The following NDST4 variants were observed in gnomAD, a reference collection of about 807,000 sequenced individuals.
NDST4 encodes N-deacetylase and N-sulfotransferase 4, also known as N-heparan sulfate sulfotransferase 4.
Under a neutral mutation model 100.8 loss-of-function variants are expected in NDST4, and 63 were observed. The observed-to-expected ratio is 0.62, with a 90% CI of 0.51 to 0.77. NDST4 has a LOEUF of 0.77. Ranked by LOEUF, NDST4 falls within the 30% of genes least tolerant of loss-of-function variation. The pLI, the probability that NDST4 is intolerant of heterozygous loss-of-function variation, is 0.00. For missense variants in NDST4, 943 were observed against 1,018.4 expected (o/e 0.93, Z 1.01); for synonymous variants, 377 against 361.8 (o/e 1.04, Z -0.48).
At chr4:114,980,453 C>T (rs994218963) in intron 2 of NDST4, among the ~76,000 whole-genome samples, 2 of 151,884 alleles carry the variant, frequency 1.3e-5, no homozygotes, top group Non-Finnish European at 2.9e-5. Flanking sequence ...ACCAGCCTGG[C>T]CCACATGGTG....
chr4:114,929,070 GTCCGTCCATCCA>G (rs1311243606), intron 6 of NDST4, among the ~76,000 whole-genome samples: 103 of 92,794 alleles, frequency 1.1e-3, no homozygotes, highest in African/African-American at 2.6e-3. Context: ...CCGTCCGTCC[GTCCGTCCATCCA>G]TCCATCCATC....
chr4:114,916,561 T>C (rs979730286), intron 6 of NDST4, among the ~76,000 whole-genome samples: 5 of 150,686 alleles, frequency 3.3e-5, no homozygotes, highest in African/African-American at 1.2e-4. Flanking sequence ...TGTGTGTGTG[T>C]GTGTGTGTGT....
intron 4 of NDST4, among the ~76,000 whole-genome samples, chr4:114,940,529 G>C (rs1373225520): frequency 6.6e-6 from 1 of 152,198 alleles, no homozygotes; most frequent in African/African-American, 2.4e-5. Context: ...ACAGGACGGG[G>C]AGCATGTAGG....
Position 114,887,941 on chromosome 4 carries a change from A to T in NDST4, c.1537-16991T>A, listed in dbSNP as rs577429267. Among the ~76,000 whole-genome samples, 3 of 152,262 alleles carry T rather than the reference A, an allele frequency of 2.0e-5. No individual in the cohort carries two copies. In the South Asian group the frequency reaches 6.2e-4, roughly 32 times the overall value. On this transcript the variant is annotated intron_variant, in intron 6 of 13. Transcript: ENST00000264363. ...TCCTAATAGGCCTTATAATTTTTGC[A>T]TTTAAATATTGATACCTTTGAGATG... is the stretch of plus-strand genomic sequence containing the variant.
chr4:115,006,882 A>G (rs1014860668), intron 2 of NDST4, among the ~76,000 whole-genome samples: 2 of 152,150 alleles, frequency 1.3e-5, no homozygotes, highest in African/African-American at 4.8e-5. Context: ...AGCCAGCAAG[A>G]AGACTACTAA....
At chr4:115,026,166 T>C (rs1727979875) in intron 2 of NDST4, among the ~76,000 whole-genome samples, 1 of 152,128 alleles carries the variant, frequency 6.6e-6, no homozygotes, top group African/African-American at 2.4e-5. Flanking sequence ...GTTAATTTTC[T>C]ATAGTATAAG....
intron 6 of NDST4, among the ~76,000 whole-genome samples, chr4:114,916,592 ATG>A (rs377039294): frequency 3.9e-4 from 33 of 85,600 alleles, no homozygotes; most frequent in Non-Finnish European, 5.3e-4. Context: ...GTTTGTGTGT[ATG>A]TGTGTGTGTG....
At chr4:115,057,633 T>C (rs1425145782) in intron 2 of NDST4, among the ~76,000 whole-genome samples, 3 of 151,934 alleles carry the variant, frequency 2.0e-5, no homozygotes, top group Non-Finnish European at 4.4e-5. Context: ...CTCGAATGAG[T>C]GATTTTATAC....
intron 6 of NDST4, among the ~76,000 whole-genome samples, chr4:114,926,559 A>G (rs1365612850): frequency 6.6e-6 from 1 of 152,100 alleles, no homozygotes; most frequent in South Asian, 2.1e-4. Flanking sequence ...AAATTAAAAA[A>G]AAAACTGTTG....
intron 11 of NDST4, among the ~76,000 whole-genome samples, chr4:114,834,176 C>T (rs1429274165): frequency 6.6e-6 from 1 of 152,096 alleles, no homozygotes; most frequent in Non-Finnish European, 1.5e-5. Context: ...CCATGCCTTA[C>T]TGATCATTGG....
chr4:114,855,129 T>C (rs944636147), intron 7 of NDST4, among the ~76,000 whole-genome samples: 3 of 152,142 alleles, frequency 2.0e-5, no homozygotes, highest in South Asian at 2.1e-4. Context: ...AATCAGATTA[T>C]TAGTTTTTTT....
intron 6 of NDST4, among the ~76,000 whole-genome samples, chr4:114,898,193 A>C (rs559827309): frequency 6.6e-6 from 1 of 152,256 alleles, no homozygotes; most frequent in African/African-American, 2.4e-5. Flanking sequence ...TTAGGTCTTA[A>C]ATTTAGGTAG....
intron 4 of NDST4, among the ~76,000 whole-genome samples, chr4:114,947,914 C>A (rs1401967619): frequency 6.6e-6 from 1 of 151,940 alleles, no homozygotes; most frequent in Non-Finnish European, 1.5e-5. Context: ...GCCGGGGATG[C>A]CTGTGTATGT....
chr4:115,046,501 T>C (rs1266686747), intron 2 of NDST4, among the ~76,000 whole-genome samples: 1 of 152,082 alleles, frequency 6.6e-6, no homozygotes, highest in Admixed American at 6.6e-5. Flanking sequence ...TGAGAAACTG[T>C]TTGGAGTACA....
At position 115,076,644 on chromosome 4, in the gene NDST4, A is replaced by G. The variant is rs1375201080; in HGVS notation, c.393T>C (p.Val131=). ...TDNGKGKYTL[V]IYENILKYVS... is the part of the protein sequence containing the mutation. ...CATACTTCAGAATATTTTCATAAAT[A>G]ACTAAAGTATATTTCCCTTTGCCAT... Residue 131 remains valine, a synonymous_variant, in exon 2 of 14, where the codon GTT becomes GTC. Transcript: ENST00000264363. The G allele has an allele frequency of 6.2e-6, 10 of 1,613,870 alleles. No homozygotes were observed. The highest frequency in any genetic ancestry group is 8.5e-6 in the Non-Finnish European group (10 of 1,179,872).
intron 6 of NDST4, among the ~76,000 whole-genome samples, chr4:114,880,515 T>C (rs1724344634): frequency 6.6e-6 from 1 of 152,116 alleles, no homozygotes; most frequent in South Asian, 2.1e-4. Context: ...AGAAAACATG[T>C]CCATTAGTAA....
chr4:115,075,762 C>T (rs546012247), intron 2 of NDST4, among the ~76,000 whole-genome samples: 20 of 118,218 alleles, frequency 1.7e-4, no homozygotes, highest in Admixed American at 1.2e-4. Flanking sequence ...CCAGCCTGGG[C>T]GACAGAGCAA....
At chr4:115,019,663 T>C (rs1002168362) in intron 2 of NDST4, among the ~76,000 whole-genome samples, 8 of 152,132 alleles carry the variant, frequency 5.3e-5, no homozygotes, top group Admixed American at 1.3e-4. Context: ...CTGGTTTCAA[T>C]GGCCCCTCAA....
intron 10 of NDST4, among the ~76,000 whole-genome samples, 168 bp downstream of exon 10, chr4:114,845,655 C>T (rs918250348): frequency 3.9e-5 from 6 of 152,094 alleles, no homozygotes; most frequent in African/African-American, 7.2e-5. Context: ...CAACTTGGTA[C>T]GAGTTAAATA....
Sources: gnomAD v4.1 joint callset for allele counts (sites outside exome capture counted in the v4.1 genomes callset) on GRCh38, gnomAD v4.1.1 for gene constraint, MANE v1.5 for transcripts, NCBI Gene and HGNC (gene_info 2026-07-23, HGNC 2026-07-21) for gene names.